The following BHMT variants were observed in gnomAD, a reference collection of about 807,000 sequenced individuals.
The protein encoded by BHMT is betaine--homocysteine S-methyltransferase 1.
Under a neutral mutation model 49.5 loss-of-function variants are expected in BHMT, and 38 were observed. That is an observed-to-expected ratio of 0.77 (90% CI 0.59 to 1.01). The LOEUF (loss-of-function observed/expected upper bound fraction) is 1.01, where lower values mean the gene tolerates loss of function less well. Ranked by LOEUF, BHMT falls within the 50% of genes least tolerant of loss-of-function variation. The pLI is 0.00. For missense variants in BHMT, 426 were observed against 495.7 expected (o/e 0.86, Z 1.34); for synonymous variants, 166 against 176.3 (o/e 0.94, Z 0.46).
intron 5 of BHMT, among the ~76,000 whole-genome samples, chr5:79,124,227 T>C (rs73769972): frequency 1.2e-4 from 19 of 152,108 alleles, no homozygotes; most frequent in African/African-American, 3.9e-4. Flanking sequence ...TTGCACAACA[T>C]TGTGAATATA....
chr5:79,122,852 G>A (rs927858352), intron 5 of BHMT, among the ~76,000 whole-genome samples: 5 of 152,034 alleles, frequency 3.3e-5, no homozygotes, highest in Admixed American at 2.6e-4. Flanking sequence ...GGAAGGTCAG[G>A]GTAAGAGAGA....
intron 7 of BHMT, among the ~76,000 whole-genome samples, chr5:79,129,709 G>A (rs960756480): frequency 1.3e-5 from 2 of 152,138 alleles, no homozygotes; most frequent in African/African-American, 4.8e-5. Context: ...GGGCAGAAGT[G>A]GAGCCTGCAG....
Position 79,128,728 on chromosome 5 carries a change from G to A in BHMT, c.1037+745G>A, listed in dbSNP as rs145400098. On this transcript the variant is annotated intron_variant, in intron 7 of 7. Coordinates refer to ENST00000274353, the MANE Select transcript of BHMT (RefSeq NM_001713.3). ...GCATGATTTTCAGAGCTGGGAATACGGTGGCAAATAAGACAGGCAAGGTCT... is the reference window on the plus strand; with the variant it reads ...GCATGATTTTCAGAGCTGGGAATACAGTGGCAAATAAGACAGGCAAGGTCT... Among the ~76,000 whole-genome samples, 206 of 152,150 alleles carry A rather than the reference G, an allele frequency of 1.4e-3. 1 individual carries two copies. The highest frequency in any genetic ancestry group is 4.8e-3 in the African/African-American group (200 of 41,514).
intron 7 of BHMT, chr5:79,128,289 G>T (rs1458633646): frequency 4.0e-6 from 1 of 252,294 alleles, no homozygotes; most frequent in Non-Finnish European, 7.6e-6. Context: ...GGGAGGCCAA[G>T]GTAGGAGGAT....
chr5:79,115,629 T>C (rs1214134316), intron 1 of BHMT, 138 bp from the exon 2 acceptor site: 4 of 947,120 alleles, frequency 4.2e-6, no homozygotes, highest in Non-Finnish European at 6.0e-6. Flanking sequence ...CATAAATGTA[T>C]ATATAAAATA....
chr5:79,124,204 A>C (rs1374330032), intron 5 of BHMT, among the ~76,000 whole-genome samples: 2 of 152,134 alleles, frequency 1.3e-5, no homozygotes, highest in Non-Finnish European at 2.9e-5. Flanking sequence ...AAATGTGGAA[A>C]TAGTGATAAT....
chr5:79,119,351 G>A lies in BHMT; in HGVS notation c.259G>A (p.Gly87Ser), dbSNP rs1237587617. The A allele has an allele frequency of 6.2e-7, 1 of 1,613,804 alleles. No individual in the cohort carries two copies. The highest frequency in any genetic ancestry group is 1.1e-5 in the South Asian group (1 of 91,056). ...GAGTGAAGACAAGCTGGAGAACAGG[G>A]GCAACTATGTCTTAGAGAAGATATC... is the stretch of plus-strand genomic sequence containing the variant. ...YASEDKLENR[G>S]NYVLEKISGQ... Residue 87 changes from glycine (G) to serine (S), a missense_variant, in exon 3 of 8, where the codon GGC becomes AGC. Gly to Ser is a moderately conservative substitution (Grantham distance 56). Around this residue, in one of 3 missense-constraint regions of BHMT, gnomAD observed 321 missense variants for 355.9 expected, o/e 0.90. Coordinates refer to ENST00000274353, the MANE Select transcript of BHMT (RefSeq NM_001713.3).
rs1756639008 is a variant in BHMT, at chr5:79,131,301, C to T, written c.*185C>T. ...TTTTAAAGTATGTTTTAGAAATTTT[C>T]TTAGGAGCAAAATAAGTACAAAGTA... On this transcript the variant is annotated 3_prime_UTR_variant, in exon 8 of 8. Transcript: ENST00000274353. The T allele has an allele frequency of 1.7e-6, 1 of 587,948 alleles. No individual in the cohort carries two copies. Among genetic ancestry groups the T allele is most frequent in the Admixed American group, 3.8e-5 (1 of 26,654 alleles). 36.4% of individuals were successfully genotyped at this position (587,948 alleles called of 1,614,324 possible).
chr5:79,122,724 T>A (rs956374931), intron 5 of BHMT, among the ~76,000 whole-genome samples: 19 of 151,256 alleles, frequency 1.3e-4, no homozygotes, highest in Non-Finnish European at 2.4e-4. Flanking sequence ...ATAAAATATA[T>A]AAGTATATGT....
intron 2 of BHMT, among the ~76,000 whole-genome samples, chr5:79,117,242 G>T (rs1247898138): frequency 6.6e-6 from 1 of 152,100 alleles, no homozygotes; most frequent in African/African-American, 2.4e-5. Context: ...ACATTTCCAG[G>T]GTTTTTTTCA....
At chr5:79,115,726 C>T (rs750231986) in intron 1 of BHMT, 41 bp from the exon 2 acceptor site, 1 of 1,523,072 alleles carries the variant, frequency 6.6e-7, no homozygotes, top group South Asian at 1.3e-5. Flanking sequence ...TTATCTTAAA[C>T]ACTCAAGTAA....
intron 1 of BHMT, among the ~76,000 whole-genome samples, chr5:79,112,412 C>A (rs937107881): frequency 6.6e-6 from 1 of 152,218 alleles, no homozygotes; most frequent in African/African-American, 2.4e-5. Flanking sequence ...CCGCCGCGAG[C>A]GCCCTCTGCA....
intron 7 of BHMT, among the ~76,000 whole-genome samples, chr5:79,129,930 A>G (rs555206941): frequency 6.6e-6 from 1 of 152,328 alleles, no homozygotes; most frequent in South Asian, 2.1e-4. Context: ...AAGCTGAGGC[A>G]GGCGAATCAC....
At position 79,120,496 on chromosome 5, in the gene BHMT, G is replaced by A. The variant is rs1242431954; in HGVS notation, c.432G>A (p.Gln144=). ...ETEVKKVFLQ[Q]LEVFMKKNVD... ...AAGTCAAAAAAGTATTTCTGCAACAGTTAGAGGTCTTTATGAAGAAGAACG... is the reference window on the plus strand; with the variant it reads ...AAGTCAAAAAAGTATTTCTGCAACAATTAGAGGTCTTTATGAAGAAGAACG... The change falls in exon 4 of 8, where the codon CAG becomes CAA. Residue 144 remains glutamine, a synonymous_variant. Coordinates refer to ENST00000274353, the MANE Select transcript of BHMT (RefSeq NM_001713.3). 6.2e-7 allele frequency: 1 copy of A among 1,613,798 alleles called. No homozygotes were observed. The highest frequency in any genetic ancestry group is 1.3e-5 in the African/African-American group (1 of 75,032).
chr5:79,112,788 T>C (rs955485819), intron 1 of BHMT, among the ~76,000 whole-genome samples: 1 of 152,160 alleles, frequency 6.6e-6, no homozygotes, highest in Admixed American at 6.5e-5. Context: ...ACGGTAGGCC[T>C]TCCTCTAATT....
intron 1 of BHMT, 27 bp downstream of exon 1, chr5:79,111,945 C>T (rs1438481961): frequency 3.2e-5 from 50 of 1,568,918 alleles, no homozygotes; most frequent in Non-Finnish European, 4.3e-5. Flanking sequence ...CCCGAGGGCG[C>T]TCTCCTTCCC....
At chr5:79,114,278 T>A (rs1226198013) in intron 1 of BHMT, among the ~76,000 whole-genome samples, 1 of 152,096 alleles carries the variant, frequency 6.6e-6, no homozygotes, top group Non-Finnish European at 1.5e-5. Context: ...TGGGCTCCCA[T>A]AAGATAACAA....
In BHMT at chr5:79,115,800, G is replaced by A; in HGVS notation, c.67G>A (p.Val23Met). 1.2e-6 allele frequency: 2 copies of A among 1,613,758 alleles called. No individual in the cohort carries two copies. Among genetic ancestry groups the A allele is most frequent in the Non-Finnish European group, 1.7e-6 (2 of 1,179,818 alleles). Reference protein sequence around the residue: ...ILERLNAGEIVIGDGGFVFAL... With the variant: ...ILERLNAGEIMIGDGGFVFAL... ...AGAACGTTTAAATGCTGGAGAGATT[G>A]TGATTGGAGATGGAGGGTTTGTCTT... The change falls in exon 2 of 8, where the codon GTG (valine) becomes ATG (methionine). Residue 23 changes from valine (V) to methionine (M), a missense_variant. Val to Met is a conservative substitution (Grantham distance 21). Coordinates refer to ENST00000274353, the MANE Select transcript of BHMT (RefSeq NM_001713.3).
chr5:79,128,017 G>C (rs1400829209), intron 7 of BHMT, 34 bp downstream of exon 7: 1 of 1,575,178 alleles, frequency 6.3e-7, no homozygotes, highest in Non-Finnish European at 8.6e-7. Context: ...AACTAATTTA[G>C]ATTATGAATA....
Sources: allele counts gnomAD v4.1 joint callset (sites outside exome capture counted in the v4.1 genomes callset), GRCh38; gene constraint gnomAD v4.1.1; regional missense constraint gnomAD v4.1.1; transcripts MANE v1.5; gene names NCBI Gene and HGNC (gene_info 2026-07-23, HGNC 2026-07-21).